CRB2: variants seen among roughly 807,000 people sequenced by gnomAD.
CRB2 encodes protein crumbs homolog 2.
In CRB2, 85 loss-of-function variants were observed where a neutral mutation model predicts 110.9. The ratio of observed to expected loss-of-function variants is 0.77; its 90% confidence interval spans 0.64 to 0.92. CRB2 has a LOEUF of 0.92. Among genes scored for constraint, CRB2 ranks in the 40% least tolerant of loss-of-function variants. The pLI is 0.00. For missense variants in CRB2, 1,843 were observed against 1,851.3 expected, an observed-to-expected ratio of 1.00 and a Z score of 0.08; for synonymous variants, 907 against 831.0, an observed-to-expected ratio of 1.09 and a Z score of -1.57.
chr9:123,354,176 T>C (rs1003052805), upstream of CRB2, among the ~76,000 whole-genome samples: 4 of 152,222 alleles, frequency 2.6e-5, no homozygotes, highest in African/African-American at 9.6e-5. Context: ...TACCCGGTGC[T>C]GTCGGGGGAG....
At chr9:123,364,495 C>T (rs960314149) in intron 2 of CRB2, among the ~76,000 whole-genome samples, 3 of 142,496 alleles carry the variant, frequency 2.1e-5, no homozygotes, top group African/African-American at 5.0e-5. Context: ...CATTCCAAGC[C>T]GGGTGGGGGA....
intron 6 of CRB2, 23 bp downstream of exon 6, chr9:123,367,709 TGG>T: frequency 6.8e-7 from 1 of 1,473,190 alleles, no homozygotes; most frequent in Non-Finnish European, 9.2e-7. Context: ...GGGTGGGCCC[TGG>T]GACCATCAGA....
intron 6 of CRB2, chr9:123,368,633 C>T (rs1379545840): frequency 2.6e-5 from 7 of 272,564 alleles, no homozygotes; most frequent in Non-Finnish European, 4.1e-5. Flanking sequence ...GGCTCCTCTC[C>T]CAGTTGAGCT....
At position 123,373,543 on chromosome 9, in the gene CRB2, C is replaced by T. The variant is rs753033749; in HGVS notation, c.3012C>T (p.Ile1004=). 3 of 1,487,558 alleles carry T rather than the reference C, an allele frequency of 2.0e-6. No homozygotes were observed. Among genetic ancestry groups the T allele is most frequent in the African/African-American group, 1.4e-5 (1 of 69,172 alleles). The allele number at this position is 1,487,558 out of a possible 1,614,324, so 92.1% of individuals were successfully genotyped here. Residue 1004 remains isoleucine (I), a synonymous_variant, in exon 10 of 13, where the codon ATC becomes ATT. Coordinates refer to ENST00000373631, the MANE Select transcript of CRB2 (RefSeq NM_173689.7). ...TGCAGGGCCCGGGTGCTGTGCGCAT[C>T]CTGCTGGCTGAGAACTTCACCGGCT... ...GFLQGPGAVR[I]LLAENFTGCL...
chr9:123,355,139 G>A (rs978865346), upstream of CRB2, among the ~76,000 whole-genome samples: 3 of 152,204 alleles, frequency 2.0e-5, no homozygotes, highest in Admixed American at 6.5e-5. Context: ...GGCTGAGGGT[G>A]GTAGAAGAAA....
At chr9:123,368,755 G>C (rs1588211827) in intron 6 of CRB2, 1 of 1,134,368 alleles carries the variant, frequency 8.8e-7, no homozygotes, top group African/African-American at 1.7e-5. Flanking sequence ...GCCATGCTGG[G>C]CATGGGGGAG....
In CRB2 at chr9:123,366,307, G is replaced by A. The variant is rs1200234134; in HGVS notation, c.695G>A (p.Cys232Tyr). The A allele has an allele frequency of 1.3e-6, 2 of 1,531,534 alleles. No individual in the cohort carries two copies. The highest frequency in any genetic ancestry group is 1.7e-6 in the Non-Finnish European group (2 of 1,152,134). 94.9% of individuals were successfully genotyped at this position (1,531,534 alleles called of 1,614,324 possible). ...GTGCTGGAGTGCGCATCGGCGCCCT[G>A]CGAGCACAACGCGTCCTGCCTCGAG... ...REVLECASAP[C>Y]EHNASCLEGL... Residue 232 changes from cysteine (C) to tyrosine (Y), a missense_variant, in exon 4 of 13, where the codon TGC becomes TAC. Transcript: ENST00000373631.
upstream of CRB2, among the ~76,000 whole-genome samples, chr9:123,355,763 C>T (rs945220216): frequency 2.0e-5 from 3 of 150,104 alleles, no homozygotes; most frequent in Admixed American, 6.6e-5. Context: ...GCTGCAGCTT[C>T]CCAGCAGAGA....
intron 12 of CRB2, among the ~76,000 whole-genome samples, chr9:123,375,849 C>G (rs980515497): frequency 6.6e-6 from 1 of 152,018 alleles, no homozygotes; most frequent in Non-Finnish European, 1.5e-5. Context: ...CCTGGACAGA[C>G]GAAGGCAGCA....
In CRB2 at chr9:123,375,322, C is replaced by T. The variant is rs771852963; in HGVS notation, c.3612C>T (p.Ser1204=). ...AATGTATCTGCAATGCCAGATTCTCCGGCCAGTTCTGTGAAGTGGCGGTGA... is the reference window on the plus strand; with the variant it reads ...AATGTATCTGCAATGCCAGATTCTCTGGCCAGTTCTGTGAAGTGGCGGTGA... ...VSECICNARF[S]GQFCEVAKGL... Residue 1204 remains serine (S), a synonymous_variant, in exon 12 of 13, where the codon TCC becomes TCT. Coordinates refer to ENST00000373631, the MANE Select transcript of CRB2 (RefSeq NM_173689.7). 2.1e-5 allele frequency: 33 copies of T among 1,603,030 alleles called. No homozygotes were observed. The highest frequency in any genetic ancestry group is 1.7e-4 in the Middle Eastern group (1 of 6,044).
At chr9:123,376,139 G>A (rs372391382) in intron 12 of CRB2, among the ~76,000 whole-genome samples, 1 of 152,216 alleles carries the variant, frequency 6.6e-6, no homozygotes, top group East Asian at 1.9e-4. Context: ...GTCCAACGGT[G>A]GAGGCTGGCA....
At chr9:123,376,555 C>T (rs746095598) in intron 12 of CRB2, among the ~76,000 whole-genome samples, 2 of 152,100 alleles carry the variant, frequency 1.3e-5, no homozygotes, top group Non-Finnish European at 2.9e-5. Flanking sequence ...GAAACCCATG[C>T]ACCCTGCTTA....
At chr9:123,358,039 C>T (rs1247673918) in intron 1 of CRB2, among the ~76,000 whole-genome samples, 1 of 152,238 alleles carries the variant, frequency 6.6e-6, no homozygotes, top group Admixed American at 6.5e-5. Context: ...CATTTCTGTG[C>T]TGGGAGCGCC....
chr9:123,368,774 C>T, intron 6 of CRB2: 1 of 1,158,234 alleles, frequency 8.6e-7, no homozygotes, highest in Non-Finnish European at 1.1e-6. Context: ...AGGCCAGTGC[C>T]TGGCATTCCT....
rs1373278463 is a variant in CRB2, at chr9:123,372,239, C to T, written c.2499C>T (p.Cys833=). The T allele has an allele frequency of 6.2e-7, 1 of 1,614,128 alleles. No individual in the cohort carries two copies. Among genetic ancestry groups the T allele is most frequent in the Admixed American group, 1.7e-5 (1 of 60,026 alleles). Residue 833 remains cysteine (C), a synonymous_variant, in exon 9 of 13, where the codon TGC becomes TGT. Coordinates refer to ENST00000373631, the MANE Select transcript of CRB2 (RefSeq NM_173689.7). ...CCTGGAATGACTTCCACTGTACCTG[C>T]CCTGCCAATTTCACGGGGCCTACGT... is the stretch of plus-strand genomic sequence containing the variant. ...LVTWNDFHCT[C]PANFTGPTCA...
At chr9:123,378,805 G>GC (rs2042149950), downstream of CRB2, 2 of 100,982 alleles carry the variant, frequency 2.0e-5, no homozygotes, top group Admixed American at 1.3e-4. Context: ...CCTGTTTTTT[G>GC]TTTTTTTTTT....
intron 2 of CRB2, among the ~76,000 whole-genome samples, chr9:123,365,551 T>C (rs1195514638): frequency 6.6e-6 from 1 of 152,166 alleles, no homozygotes; most frequent in Admixed American, 6.5e-5. Flanking sequence ...TTCAAAAGCC[T>C]CTTCTTCTAG....
At position 123,377,599 on chromosome 9, in the gene CRB2, G is replaced by A. The variant is rs565802483; in HGVS notation, c.*537G>A. Reference sequence around the variant, plus strand: ...CAGGAGGCCAGGCCGGGGTTGCCCAGGCACCTCCTTCCCCGCCTCTGGGGG... The same window carrying A: ...CAGGAGGCCAGGCCGGGGTTGCCCAAGCACCTCCTTCCCCGCCTCTGGGGG... On this transcript the variant is annotated 3_prime_UTR_variant, in exon 13 of 13. Coordinates refer to ENST00000373631, the MANE Select transcript of CRB2 (RefSeq NM_173689.7). 6 of 152,562 alleles carry A rather than the reference G, an allele frequency of 3.9e-5. No homozygotes were observed. The South Asian group carries it at 1.2e-3, about 32-fold the overall frequency. The allele number at this position is 152,562 out of a possible 1,614,324, so 9.5% of individuals were successfully genotyped here. A position where few individuals can be genotyped will look rare whatever the true frequency, so the allele number is the denominator to read the frequency against.
chr9:123,372,227 C>T lies in CRB2; in HGVS notation c.2487C>T (p.Phe829=), dbSNP rs748610245. 1.9e-6 allele frequency: 3 copies of T among 1,614,124 alleles called. No homozygotes were observed. The highest frequency in any genetic ancestry group is 2.5e-6 in the Non-Finnish European group (3 of 1,180,012). Residue 829 remains phenylalanine (F), a synonymous_variant, in exon 9 of 13, where the codon TTC becomes TTT. Coordinates refer to ENST00000373631, the MANE Select transcript of CRB2 (RefSeq NM_173689.7). ...CTTGCCTCGTCACCTGGAATGACTT[C>T]CACTGTACCTGCCCTGCCAATTTCA... ...GGTCLVTWND[F]HCTCPANFTG... is the part of the protein sequence containing the mutation.
Sources: allele counts gnomAD v4.1 joint callset (sites outside exome capture counted in the v4.1 genomes callset), GRCh38; gene constraint gnomAD v4.1.1; transcripts MANE v1.5; gene names NCBI Gene and HGNC (gene_info 2026-07-23, HGNC 2026-07-21).